Variants in ARHGAP31 observed in about 807,000 individuals in gnomAD.
ARHGAP31 encodes Rho GTPase activating protein 31.
In ARHGAP31, 34 loss-of-function variants were observed where a neutral mutation model predicts 113.9. The ratio of observed to expected loss-of-function variants is 0.30; its 90% confidence interval spans 0.23 to 0.40. ARHGAP31 has a LOEUF of 0.40. Among genes scored for constraint, ARHGAP31 ranks in the 10% least tolerant of loss-of-function variants. The pLI is 1.00. For synonymous variants in ARHGAP31, 650 were observed against 684.8 expected, an observed-to-expected ratio of 0.95 and a Z score of 0.79; for missense variants, 1,548 against 1,767.1, an observed-to-expected ratio of 0.88 and a Z score of 2.22.
At chr3:119,386,588 G>A (rs943896465) in intron 6 of ARHGAP31, among the ~76,000 whole-genome samples, 4 of 152,292 alleles carry the variant, frequency 2.6e-5, no homozygotes, top group East Asian at 1.9e-4. Context: ...TGTGTGCGGC[G>A]ACGAGAGAGT....
intron 1 of ARHGAP31, among the ~76,000 whole-genome samples, chr3:119,319,173 A>C (rs754534982): frequency 8.6e-5 from 13 of 151,714 alleles, no homozygotes; most frequent in Non-Finnish European, 1.5e-4. Context: ...ACAGAGATTA[A>C]TCTTCTGGTA....
At chr3:119,295,760 G>A (rs967505148) in intron 1 of ARHGAP31, among the ~76,000 whole-genome samples, 1 of 152,044 alleles carries the variant, frequency 6.6e-6, no homozygotes, top group African/African-American at 2.4e-5. Flanking sequence ...ATGGGGGTAG[G>A]GGGGAGTTGG....
intron 1 of ARHGAP31, among the ~76,000 whole-genome samples, chr3:119,335,715 C>T (rs1004984808): frequency 6.6e-6 from 1 of 152,132 alleles, no homozygotes; most frequent in Non-Finnish European, 1.5e-5. Flanking sequence ...GCCTTGGGGG[C>T]AGTGTCTCCA....
At chr3:119,394,980 C>G (rs1453548342) in intron 8 of ARHGAP31, among the ~76,000 whole-genome samples, 1 of 152,070 alleles carries the variant, frequency 6.6e-6, no homozygotes, top group Non-Finnish European at 1.5e-5. Context: ...TTTAAAATAA[C>G]TAGCAAATTA....
chr3:119,316,555 C>T (rs1000122629), intron 1 of ARHGAP31, among the ~76,000 whole-genome samples: 6 of 152,160 alleles, frequency 3.9e-5, no homozygotes, highest in Non-Finnish European at 5.9e-5. Flanking sequence ...CTCTCTGAAA[C>T]CCTGAGCTGG....
chr3:119,328,490 G>A (rs929418537), intron 1 of ARHGAP31, among the ~76,000 whole-genome samples: 25 of 152,136 alleles, frequency 1.6e-4, no homozygotes, highest in African/African-American at 5.8e-4. Flanking sequence ...TCCTTATACT[G>A]ATTTTAGAGC....
At chr3:119,307,983 C>T (rs2079646018) in intron 1 of ARHGAP31, among the ~76,000 whole-genome samples, 1 of 110,622 alleles carries the variant, frequency 9.0e-6, no homozygotes, top group South Asian at 3.1e-4. Context: ...GCTGTAGGAA[C>T]AGCAGCAGAG....
At chr3:119,386,805 A>G (rs1440121901) in intron 6 of ARHGAP31, among the ~76,000 whole-genome samples, 2 of 152,222 alleles carry the variant, frequency 1.3e-5, no homozygotes, top group Non-Finnish European at 2.9e-5. Flanking sequence ...TCCACTGGAC[A>G]GGGGGCCCTT....
intron 3 of ARHGAP31, among the ~76,000 whole-genome samples, chr3:119,380,181 G>A (rs554306943): frequency 2.1e-4 from 32 of 152,234 alleles, no homozygotes; most frequent in Admixed American, 8.5e-4. Context: ...CAGGGACAAC[G>A]CTCTTATCCC....
At chr3:119,302,176 C>G (rs922600071) in intron 1 of ARHGAP31, among the ~76,000 whole-genome samples, 1 of 152,236 alleles carries the variant, frequency 6.6e-6, no homozygotes, top group Non-Finnish European at 1.5e-5. Context: ...ACCGATCTTG[C>G]TATTTCTCCC....
In ARHGAP31 at chr3:119,382,264, T is replaced by C. The variant is rs774248010; in HGVS notation, c.432-28T>C. 9 of 1,605,876 alleles carry C rather than the reference T, an allele frequency of 5.6e-6. No individual in the cohort carries two copies. The South Asian group carries it at 9.9e-5, about 18-fold the overall frequency. On this transcript the variant is annotated intron_variant, in intron 4 of 11. Transcript: ENST00000264245. ...GCTTCACACGGGCACTGAAGTTTCT[T>C]ACTTTGTCAAAAAACAAACCATTCT... is the stretch of plus-strand genomic sequence containing the variant.
intron 10 of ARHGAP31, among the ~76,000 whole-genome samples, chr3:119,403,631 T>C (rs2080633774): frequency 1.3e-5 from 2 of 152,118 alleles, no homozygotes; most frequent in African/African-American, 4.8e-5. Flanking sequence ...AAAGAGGTGT[T>C]CCTAACAGAT....
intron 10 of ARHGAP31, among the ~76,000 whole-genome samples, chr3:119,403,102 A>T (rs1182163147): frequency 6.6e-6 from 1 of 152,214 alleles, no homozygotes; most frequent in East Asian, 1.9e-4. Flanking sequence ...TGGGCCACAT[A>T]AAATGGAAGC....
intron 1 of ARHGAP31, among the ~76,000 whole-genome samples, chr3:119,304,881 T>C (rs1445503619): frequency 1.3e-5 from 2 of 150,322 alleles, no homozygotes; most frequent in African/African-American, 4.9e-5. Context: ...AGTGACAGAG[T>C]GAGACTCTGT....
In ARHGAP31 at chr3:119,415,800, G is replaced by C; in HGVS notation, c.3871G>C (p.Glu1291Gln). 6.2e-7 allele frequency: 1 copy of C among 1,614,226 alleles called. No individual in the cohort carries two copies. The highest frequency in any genetic ancestry group is 1.6e-4 in the Middle Eastern group (1 of 6,062). Residue 1291 changes from glutamate to glutamine, a missense_variant, in exon 12 of 12, where the codon GAA becomes CAA. Glu to Gln is a conservative substitution (Grantham distance 29, BLOSUM62 2). Coordinates refer to ENST00000264245, the MANE Select transcript of ARHGAP31 (RefSeq NM_020754.4). Reference sequence around the variant, plus strand: ...GTGCGAGGGACCTACCCTTTCTCCAGAACCAGGCTCGTCTAACCTGCTCTC... The same window carrying C: ...GTGCGAGGGACCTACCCTTTCTCCACAACCAGGCTCGTCTAACCTGCTCTC... ...CMCEGPTLSPEPGSSNLLSTQ... is the reference protein window; with the variant it reads ...CMCEGPTLSPQPGSSNLLSTQ...
At position 119,413,912 on chromosome 3, in the gene ARHGAP31, A is replaced by C. The variant is rs768716849; in HGVS notation, c.1983A>C (p.Lys661Asn). The change falls in exon 12 of 12, where the codon AAA becomes AAC. Residue 661 changes from lysine (K) to asparagine (N), a missense_variant. By Grantham distance (94) the Lys-to-Asn change is moderately conservative (BLOSUM62 0). Coordinates refer to ENST00000264245, the MANE Select transcript of ARHGAP31 (RefSeq NM_020754.4). ...LIWPEIQQEL[K>N]IIESEEELSS... ...GGCCTGAGATTCAACAGGAGCTGAA[A>C]ATCATTGAATCTGAGGAGGAGCTCT... 2 of 1,614,180 alleles carry C rather than the reference A, an allele frequency of 1.2e-6. No individual in the cohort carries two copies. The highest frequency in any genetic ancestry group is 1.7e-6 in the Non-Finnish European group (2 of 1,180,024).
At chr3:119,307,940 C>CAAAAAAAAAAAAAAAAAAAACAAAAA (rs71156742) in intron 1 of ARHGAP31, among the ~76,000 whole-genome samples, 1 of 45,452 alleles carries the variant, frequency 2.2e-5, no homozygotes, top group Non-Finnish European at 3.7e-5. Flanking sequence ...GAATTAACAG[C>CAAAAAAAAAAAAAAAAAAAACAAAAA]AAAAAAAAAA....
At chr3:119,334,289 T>C (rs2079922461) in intron 1 of ARHGAP31, among the ~76,000 whole-genome samples, 1 of 152,098 alleles carries the variant, frequency 6.6e-6, no homozygotes, top group Non-Finnish European at 1.5e-5. Flanking sequence ...TTGGCAGGGC[T>C]CCTGTCGGAC....
At chr3:119,319,183 A>G (rs1283969042) in intron 1 of ARHGAP31, among the ~76,000 whole-genome samples, 1 of 150,788 alleles carries the variant, frequency 6.6e-6, no homozygotes, top group East Asian at 2.0e-4. Context: ...ATCTTCTGGT[A>G]TGGGTGCTAT....
Sources: allele counts gnomAD v4.1 joint callset (sites outside exome capture counted in the v4.1 genomes callset), GRCh38; gene constraint gnomAD v4.1.1; transcripts MANE v1.5; gene names NCBI Gene and HGNC (gene_info 2026-07-23, HGNC 2026-07-21).